SGCD: variants seen among roughly 807,000 people sequenced by gnomAD.
The protein encoded by SGCD is delta-sarcoglycan.
Under a neutral mutation model 36.6 loss-of-function variants are expected in SGCD, and 18 were observed. That is an observed-to-expected ratio of 0.49 (90% CI 0.34 to 0.73). The LOEUF is 0.73. SGCD is among the 30% of genes least tolerant of loss of function. The pLI is 0.01. For synonymous variants in SGCD, 133 were observed against 130.6 expected, an observed-to-expected ratio of 1.02 and a Z score of -0.12; for missense variants, 387 against 346.7, an observed-to-expected ratio of 1.12 and a Z score of -0.92.
At chr5:156,510,366 C>G (rs1373520269) in intron 4 of SGCD, among the ~76,000 whole-genome samples, 1 of 152,160 alleles carries the variant, frequency 6.6e-6, no homozygotes, top group East Asian at 1.9e-4. Context: ...AGAATAGAGA[C>G]AGTTTAAAGC....
chr5:156,451,790 G>A (rs781197416), intron 3 of SGCD, among the ~76,000 whole-genome samples: 14 of 152,130 alleles, frequency 9.2e-5, no homozygotes, highest in Non-Finnish European at 1.8e-4. Flanking sequence ...CATTCTGTCT[G>A]CACTGAGAAG....
At chr5:156,185,515 CT>C (rs1168374763) in intron 3 of SGCD, among the ~76,000 whole-genome samples, 1 of 151,912 alleles carries the variant, frequency 6.6e-6, no homozygotes, top group Non-Finnish European at 1.5e-5. Flanking sequence ...CGCCTGGCCT[CT>C]TTTAATTTTT....
chr5:156,293,579 T>G (rs1423210265), intron 3 of SGCD, among the ~76,000 whole-genome samples: 2 of 152,218 alleles, frequency 1.3e-5, no homozygotes, highest in African/African-American at 4.8e-5. Flanking sequence ...AATGATTATA[T>G]CTTCCCTATT....
intron 1 of SGCD, among the ~76,000 whole-genome samples, chr5:156,083,633 G>T (rs1581088738): frequency 6.8e-6 from 1 of 147,462 alleles, no homozygotes; most frequent in African/African-American, 2.5e-5. Flanking sequence ...TTGTACTTTT[G>T]GTATCACATT....
chr5:155,809,604 G>GT, the SGCD span, among the ~76,000 whole-genome samples: 1 of 152,308 alleles, frequency 6.6e-6, no homozygotes, highest in South Asian at 2.1e-4. Context: ...AACATGAAGA[G>GT]TGAGTAGGAA....
At chr5:156,393,122 C>T (rs377438255) in intron 3 of SGCD, among the ~76,000 whole-genome samples, 1 of 152,188 alleles carries the variant, frequency 6.6e-6, no homozygotes, top group Non-Finnish European at 1.5e-5. Flanking sequence ...AAAGGGACCA[C>T]GCCCTTCTCT....
At chr5:156,117,240 A>G (rs1419120592) in intron 1 of SGCD, among the ~76,000 whole-genome samples, 1 of 152,092 alleles carries the variant, frequency 6.6e-6, no homozygotes, top group Non-Finnish European at 1.5e-5. Context: ...ATTGTTGCCC[A>G]TATTACTATT....
intron 3 of SGCD, among the ~76,000 whole-genome samples, chr5:156,137,166 A>T (rs1762480400): frequency 6.6e-6 from 1 of 152,174 alleles, no homozygotes; most frequent in Non-Finnish European, 1.5e-5. Flanking sequence ...GGGTAGTTAC[A>T]GCTGATCAGT....
chr5:155,745,929 G>C, the SGCD span, among the ~76,000 whole-genome samples: 1 of 152,166 alleles, frequency 6.6e-6, no homozygotes, highest in Non-Finnish European at 1.5e-5. Flanking sequence ...ATTTTCTTGT[G>C]AAATAAAACA....
rs10696253 is a variant in SGCD at position 155,996,863 on chromosome 5, G to GGATAGATAGATAGATAGATA, written c.-281-120988_-281-120969dup. On this transcript the variant is annotated intron_variant, in intron 1 of 9. Transcript: ENST00000517913. ...TGGTAAATCTGATATCTGGATGGAT[G>GGATAGATAGATAGATAGATA]GATAGATAGATAGATAGATAGATAG... 1.7e-3 allele frequency among the ~76,000 whole-genome samples: 226 copies of GGATAGATAGATAGATAGATA among 133,470 alleles called. 1 individual carries two copies. The highest frequency in any genetic ancestry group is 2.1e-3 in the Non-Finnish European group (126 of 59,382). 87.6% of individuals were successfully genotyped at this position (133,470 alleles called of 152,430 possible). A position where few individuals can be genotyped will look rare whatever the true frequency, so the allele number is the denominator to read the frequency against.
chr5:156,213,395 C>T (rs1390797888), intron 3 of SGCD, among the ~76,000 whole-genome samples: 1 of 151,934 alleles, frequency 6.6e-6, no homozygotes, highest in Admixed American at 6.6e-5. Context: ...AAGAAACATA[C>T]AACCTACCAT....
Position 155,926,465 on chromosome 5 carries a change from A to G in SGCD, c.-282+56041A>G, listed in dbSNP as rs1055163513. 3.9e-5 allele frequency among the ~76,000 whole-genome samples: 6 copies of G among 152,376 alleles called. 1 individual carries two copies. The highest frequency in any genetic ancestry group is 3.9e-4 in the Admixed American group (6 of 15,306). ...TAATAAGCTTGTTCAAAGAATTAGA[A>G]GAGAGACATACATCTTCTTTAATTA... On this transcript the variant is annotated intron_variant, in intron 1 of 9. Transcript: ENST00000517913.
intron 1 of SGCD, among the ~76,000 whole-genome samples, chr5:156,055,319 A>G (rs1760032920): frequency 6.8e-6 from 1 of 146,140 alleles, no homozygotes; most frequent in Non-Finnish European, 1.5e-5. Flanking sequence ...TGTCTTTGAC[A>G]TCTATGCGGG....
chr5:156,351,423 T>C (rs897532660), intron 3 of SGCD, among the ~76,000 whole-genome samples: 1 of 152,088 alleles, frequency 6.6e-6, no homozygotes, highest in African/African-American at 2.4e-5. Flanking sequence ...AAAATCTGGA[T>C]TCTGTCTCTT....
At chr5:156,620,752 A>G (rs1762211914) in intron 6 of SGCD, among the ~76,000 whole-genome samples, 1 of 152,186 alleles carries the variant, frequency 6.6e-6, no homozygotes. Context: ...GGATTTCTTT[A>G]TGGGGAAGAG....
chr5:156,607,460 G>C (rs1260767397), intron 6 of SGCD, among the ~76,000 whole-genome samples: 1 of 152,196 alleles, frequency 6.6e-6, no homozygotes, highest in Non-Finnish European at 1.5e-5. Flanking sequence ...GTATTTTATT[G>C]AGGATTTTTG....
intron 3 of SGCD, among the ~76,000 whole-genome samples, chr5:156,125,198 T>C (rs1762140940): frequency 6.6e-6 from 1 of 152,206 alleles, no homozygotes; most frequent in Admixed American, 6.5e-5. Context: ...TAATCCTTCA[T>C]AACCCAAAGG....
At chr5:156,256,614 A>G (rs1428139) in intron 3 of SGCD, among the ~76,000 whole-genome samples, 128,350 of 152,190 alleles carry the variant, frequency 0.84, 54,329 homozygotes, top group East Asian at 0.92. Flanking sequence ...TTTTGATGAG[A>G]TTGCTACAAA....
intron 3 of SGCD, among the ~76,000 whole-genome samples, chr5:156,307,289 A>G (rs780154743): frequency 6.6e-6 from 1 of 152,136 alleles, no homozygotes; most frequent in Non-Finnish European, 1.5e-5. Flanking sequence ...CAAGTGATCC[A>G]TCCACCTTGG....
Sources: allele counts gnomAD v4.1 joint callset (sites outside exome capture counted in the v4.1 genomes callset), GRCh38; gene constraint gnomAD v4.1.1; transcripts MANE v1.5; gene names NCBI Gene and HGNC (gene_info 2026-07-23, HGNC 2026-07-21).